Variants in LDB2 observed in about 807,000 individuals in gnomAD.
LDB2 encodes LIM domain-binding protein 2.
LDB2 carries 12 observed loss-of-function variants against 44.3 expected under a neutral mutation model. That is an observed-to-expected ratio of 0.27 (90% CI 0.17 to 0.44). The LOEUF is 0.44. LDB2 is among the 20% of genes least tolerant of loss of function. The pLI is 1.00. For missense variants in LDB2, 344 were observed against 473.5 expected (o/e 0.73, Z 2.54); for synonymous variants, 164 against 174.8 (o/e 0.94, Z 0.49).
chr4:16,656,855 T>C (rs1740014101), intron 2 of LDB2, among the ~76,000 whole-genome samples: 1 of 152,238 alleles, frequency 6.6e-6, no homozygotes, highest in Non-Finnish European at 1.5e-5. Context: ...TCATAATTGA[T>C]AATTAAATTA....
At chr4:16,676,446 G>A (rs906791246) in intron 2 of LDB2, among the ~76,000 whole-genome samples, 9 of 152,210 alleles carry the variant, frequency 5.9e-5, no homozygotes, top group African/African-American at 7.2e-5. Flanking sequence ...CCAAGATCAC[G>A]GAACACCCTG....
At chr4:16,739,608 A>ATATG (rs1482602537) in intron 2 of LDB2, among the ~76,000 whole-genome samples, 2 of 86,202 alleles carry the variant, frequency 2.3e-5, no homozygotes, top group South Asian at 6.7e-4. Flanking sequence ...ATATATATAT[A>ATATG]TGTATATATA....
chr4:16,800,465 T>C (rs1777579173), intron 1 of LDB2, among the ~76,000 whole-genome samples: 1 of 152,240 alleles, frequency 6.6e-6, no homozygotes, highest in African/African-American at 2.4e-5. Flanking sequence ...AGTTACTGGG[T>C]TAAAAAATAT....
At chr4:16,510,379 A>G (rs1243256191) in intron 6 of LDB2, among the ~76,000 whole-genome samples, 4 of 152,182 alleles carry the variant, frequency 2.6e-5, no homozygotes, top group Non-Finnish European at 4.4e-5. Context: ...GATGAGAGGA[A>G]CAGGATATAG....
intron 2 of LDB2, among the ~76,000 whole-genome samples, chr4:16,744,105 G>C (rs1763887237): frequency 6.6e-6 from 1 of 152,178 alleles, no homozygotes; most frequent in Non-Finnish European, 1.5e-5. Flanking sequence ...GAAAATGAGA[G>C]TATGGAAACT....
intron 2 of LDB2, among the ~76,000 whole-genome samples, chr4:16,733,593 G>T (rs1409316293): frequency 1.3e-5 from 2 of 152,206 alleles, no homozygotes; most frequent in Non-Finnish European, 2.9e-5. Flanking sequence ...GGAAGCTACA[G>T]GGATATCACA....
chr4:16,535,291 T>C (rs1356185374), intron 5 of LDB2, among the ~76,000 whole-genome samples: 1 of 152,162 alleles, frequency 6.6e-6, no homozygotes, highest in Admixed American at 6.5e-5. Context: ...TGCGTAATGG[T>C]CCTGCCACCC....
intron 2 of LDB2, among the ~76,000 whole-genome samples, chr4:16,623,053 G>A (rs1729319086): frequency 6.6e-6 from 1 of 152,144 alleles, no homozygotes; most frequent in Admixed American, 6.5e-5. Flanking sequence ...TGCTTCAAGA[G>A]GGAGGCCCTT....
At position 16,560,706 on chromosome 4, in the gene LDB2, G is replaced by A. The variant is rs1365408463; in HGVS notation, c.615+25216C>T. Among the ~76,000 whole-genome samples, 19 of 152,204 alleles carry A rather than the reference G, an allele frequency of 1.2e-4. 1 individual carries two copies. Among genetic ancestry groups the A allele is most frequent in the African/African-American group, 2.4e-5 (1 of 41,516 alleles). On this transcript the variant is annotated intron_variant, in intron 5 of 7. Coordinates refer to ENST00000304523, the MANE Select transcript of LDB2 (RefSeq NM_001290.5). ...AATAGAAAAAGAGGGAATCCTCCCT[G>A]ACTCATTTTATGAGGCCAGCATCAT...
intron 2 of LDB2, among the ~76,000 whole-genome samples, chr4:16,600,916 T>C (rs867741996): frequency 1.3e-5 from 2 of 152,166 alleles, no homozygotes; most frequent in Non-Finnish European, 2.9e-5. Context: ...CATAAACTAC[T>C]GTGCCTCCTC....
At chr4:16,616,078 T>G (rs34560425) in intron 2 of LDB2, among the ~76,000 whole-genome samples, 8,363 of 152,262 alleles carry the variant, frequency 0.055, 351 homozygotes, top group East Asian at 0.18. Context: ...TAATTAACTT[T>G]TCTTCCTAAC....
intron 5 of LDB2, among the ~76,000 whole-genome samples, chr4:16,538,728 T>G (rs1732711628): frequency 1.3e-5 from 2 of 152,236 alleles, no homozygotes; most frequent in Non-Finnish European, 2.9e-5. Flanking sequence ...AGTCAATTGA[T>G]CAGTCACTCA....
At chr4:16,746,198 G>A (rs1276566633) in intron 2 of LDB2, among the ~76,000 whole-genome samples, 1 of 152,166 alleles carries the variant, frequency 6.6e-6, no homozygotes, top group African/African-American at 2.4e-5. Flanking sequence ...CCTGATTTAT[G>A]AAAGCATTTC....
chr4:16,560,039 C>T (rs1157765266), intron 5 of LDB2, among the ~76,000 whole-genome samples: 1 of 152,148 alleles, frequency 6.6e-6, no homozygotes, highest in African/African-American at 2.4e-5. Flanking sequence ...ACACAACATA[C>T]CAGAATCTCT....
intron 5 of LDB2, among the ~76,000 whole-genome samples, chr4:16,570,462 C>CAAAAAAAAAAAAAAAAAAAAAAA (rs71181175): frequency 1.8e-4 from 3 of 16,606 alleles, no homozygotes; most frequent in Non-Finnish European, 3.5e-4. Flanking sequence ...GACTCTGTCT[C>CAAAAAAAAAAAAAAAAAAAAAAA]AAAAAAAAAA....
chr4:16,585,184 G>A (rs1404315693), intron 5 of LDB2, among the ~76,000 whole-genome samples: 1 of 152,180 alleles, frequency 6.6e-6, no homozygotes, highest in African/African-American at 2.4e-5. Context: ...GGAGACCAGA[G>A]GTTTGTGAAG....
intron 1 of LDB2, among the ~76,000 whole-genome samples, chr4:16,896,536 C>A (rs1385430728): frequency 1.3e-5 from 2 of 152,136 alleles, no homozygotes; most frequent in Non-Finnish European, 2.9e-5. Flanking sequence ...GTGTTCCTAA[C>A]TGCAGGAGGA....
At chr4:16,769,015 T>A (rs1770005498) in intron 1 of LDB2, among the ~76,000 whole-genome samples, 1 of 152,226 alleles carries the variant, frequency 6.6e-6, no homozygotes, top group African/African-American at 2.4e-5. Context: ...GATGTTCCTT[T>A]ATTCAAAACA....
chr4:16,632,018 C>G (rs1235447961), intron 2 of LDB2, among the ~76,000 whole-genome samples: 2 of 152,206 alleles, frequency 1.3e-5, no homozygotes, highest in African/African-American at 2.4e-5. Context: ...CAAAGAGGAG[C>G]TGGTACCATT....
Sources: allele counts gnomAD v4.1 joint callset (sites outside exome capture counted in the v4.1 genomes callset), GRCh38; gene constraint gnomAD v4.1.1; transcripts MANE v1.5; gene names NCBI Gene and HGNC (gene_info 2026-07-23, HGNC 2026-07-21).